ADAMTS18: variants seen among roughly 807,000 people sequenced by gnomAD.
The protein encoded by ADAMTS18 is ADAM metallopeptidase with thrombospondin type 1 motif 18.
A neutral mutation model predicts 165.9 loss-of-function variants in ADAMTS18; 157 were observed. The ratio of observed to expected loss-of-function variants is 0.95; its 90% confidence interval spans 0.83 to 1.08. The LOEUF (loss-of-function observed/expected upper bound fraction) is 1.08. Ranked by LOEUF, ADAMTS18 falls within the 50% of genes least tolerant of loss-of-function variation. The pLI is 0.00. For synonymous variants in ADAMTS18, 782 were observed against 578.2 expected (o/e 1.35, Z -5.06); for missense variants, 2,040 against 1,534.0 (o/e 1.33, Z -5.51).
chr16:77,407,973 A>G (rs1007800830), intron 3 of ADAMTS18, among the ~76,000 whole-genome samples: 4 of 152,152 alleles, frequency 2.6e-5, no homozygotes, highest in Non-Finnish European at 5.9e-5. Context: ...AAGGATAAAA[A>G]GGCATACCAG....
At chr16:77,343,838 T>A (rs1454008398) in intron 10 of ADAMTS18, among the ~76,000 whole-genome samples, 2 of 152,190 alleles carry the variant, frequency 1.3e-5, no homozygotes, top group Non-Finnish European at 2.9e-5. Context: ...TGACCCCATT[T>A]TGGTGGGCAC....
intron 3 of ADAMTS18, among the ~76,000 whole-genome samples, chr16:77,378,351 A>C (rs765619153): frequency 0.01 from 103 of 9,852 alleles, no homozygotes; most frequent in South Asian, 0.068. Flanking sequence ...AAAAAAAAAC[A>C]AAAAAAAAAA....
chr16:77,296,242 G>C (rs2055469198), intron 18 of ADAMTS18, among the ~76,000 whole-genome samples: 1 of 152,072 alleles, frequency 6.6e-6, no homozygotes, highest in African/African-American at 2.4e-5. Context: ...CTTAAAATTA[G>C]TCTTCAAACA....
chr16:77,334,832 A>G (rs1273147230), intron 12 of ADAMTS18, among the ~76,000 whole-genome samples: 2 of 125,730 alleles, frequency 1.6e-5, no homozygotes, highest in East Asian at 2.3e-4. Context: ...ACTATATACT[A>G]TAGTATACAG....
chr16:77,355,883 G>A, intron 9 of ADAMTS18, 57 bp downstream of exon 9: 2 of 1,607,968 alleles, frequency 1.2e-6, no homozygotes, highest in Non-Finnish European at 1.7e-6. Context: ...GGTCTATGGA[G>A]CACAATTCTG....
In ADAMTS18 at chr16:77,363,840, C is replaced by G; in HGVS notation, c.1018G>C (p.Val340Leu). ...KDGTIGSDINVVVVSLILLEQ... is the reference protein window; with the variant it reads ...KDGTIGSDINLVVVSLILLEQ... ...AGAAGAATTAGGCTCACCACAACCA[C>G]GTTTATGTCACTTCCAATAGTCCCA... Residue 340 changes from valine (V) to leucine (L), a missense_variant, in exon 6 of 23, where the codon GTG (valine) becomes CTG (leucine). Physicochemically the swap from Val to Leu is conservative, Grantham distance 32 (BLOSUM62 1). Transcript: ENST00000282849. 1.9e-6 allele frequency: 3 copies of G among 1,614,012 alleles called. No individual in the cohort carries two copies. The highest frequency in any genetic ancestry group is 2.5e-6 in the Non-Finnish European group (3 of 1,179,972).
intron 3 of ADAMTS18, among the ~76,000 whole-genome samples, chr16:77,414,703 A>T (rs1229525212): frequency 6.6e-6 from 1 of 152,208 alleles, no homozygotes; most frequent in Non-Finnish European, 1.5e-5. Flanking sequence ...AAAAATAAAG[A>T]TCTACTGCAT....
chr16:77,326,293 G>C (rs188458290), intron 12 of ADAMTS18, among the ~76,000 whole-genome samples: 65 of 152,188 alleles, frequency 4.3e-4, no homozygotes, highest in South Asian at 2.3e-3. Context: ...ATTAAAATTG[G>C]CATGCTAAAT....
chr16:77,421,942 C>T (rs959892519), intron 3 of ADAMTS18, among the ~76,000 whole-genome samples: 4 of 151,806 alleles, frequency 2.6e-5, no homozygotes, highest in Non-Finnish European at 4.4e-5. Context: ...GCAAAAAAAC[C>T]TCCAAAATAT....
chr16:77,284,568 A>AG (rs1241728427), intron 22 of ADAMTS18, among the ~76,000 whole-genome samples: 4 of 152,022 alleles, frequency 2.6e-5, no homozygotes, highest in South Asian at 2.1e-4. Context: ...GGACTTTGGT[A>AG]GGGGGGTGAG....
chr16:77,400,485 GTT>G (rs71137813), intron 3 of ADAMTS18, among the ~76,000 whole-genome samples: 12 of 114,696 alleles, frequency 1.0e-4, no homozygotes, highest in Non-Finnish European at 1.5e-4. Flanking sequence ...TGTGTGTTTT[GTT>G]TTTTTTTTTT....
intron 12 of ADAMTS18, among the ~76,000 whole-genome samples, chr16:77,335,210 A>G (rs1022168379): frequency 2.6e-5 from 4 of 151,038 alleles, no homozygotes; most frequent in Non-Finnish European, 5.9e-5. Context: ...AGGACATCAT[A>G]TTAAGTGAAA....
At position 77,358,179 on chromosome 16, in the gene ADAMTS18, A is replaced by ATG. The variant is rs137864349; in HGVS notation, c.1322+1137_1322+1138dup. ...TAGGAAAGTGTGCATGTGTGTCTAA[A>ATG]TGTGTGTGTGTGTGTATAATAATGT... On this transcript the variant is annotated intron_variant, in intron 8 of 22. Transcript: ENST00000282849. Among the ~76,000 whole-genome samples the ATG allele has an allele frequency of 2.2e-3, 327 of 151,864 alleles. 7 individuals carry two copies. The South Asian group carries it at 0.036, about 17-fold the overall frequency.
At chr16:77,284,472 C>G (rs997900013) in intron 22 of ADAMTS18, among the ~76,000 whole-genome samples, 2 of 152,022 alleles carry the variant, frequency 1.3e-5, no homozygotes, top group African/African-American at 4.8e-5. Flanking sequence ...AACATAGCAC[C>G]TTTTTCTTAA....
chr16:77,355,003 A>G (rs1403298381), intron 9 of ADAMTS18, among the ~76,000 whole-genome samples: 2 of 152,202 alleles, frequency 1.3e-5, no homozygotes, highest in African/African-American at 2.4e-5. Flanking sequence ...ATGTGGTTAG[A>G]TATCTTCACG....
intron 6 of ADAMTS18, among the ~76,000 whole-genome samples, chr16:77,362,514 T>TA (rs1194332766): frequency 6.6e-6 from 1 of 152,222 alleles, no homozygotes. Context: ...TAGCATCAGT[T>TA]AGAACACCTT....
At chr16:77,377,127 A>G (rs1567525139) in intron 3 of ADAMTS18, among the ~76,000 whole-genome samples, 1 of 152,204 alleles carries the variant, frequency 6.6e-6, no homozygotes, top group Non-Finnish European at 1.5e-5. Context: ...AAGGGCCAAA[A>G]TAATTCTTAA....
intron 18 of ADAMTS18, among the ~76,000 whole-genome samples, chr16:77,296,466 C>T (rs774121274): frequency 5.9e-5 from 9 of 152,090 alleles, no homozygotes; most frequent in South Asian, 2.1e-4. Context: ...CACAACCGCA[C>T]GCAAATTGAA....
At chr16:77,400,707 G>A (rs1020116069) in intron 3 of ADAMTS18, among the ~76,000 whole-genome samples, 7 of 151,548 alleles carry the variant, frequency 4.6e-5, no homozygotes, top group Non-Finnish European at 8.8e-5. Context: ...CTGACCTCGT[G>A]ATCCGCCTGC....
Sources: gnomAD v4.1 joint callset for allele counts (sites outside exome capture counted in the v4.1 genomes callset) on GRCh38, gnomAD v4.1.1 for gene constraint, MANE v1.5 for transcripts, NCBI Gene and HGNC (gene_info 2026-07-23, HGNC 2026-07-21) for gene names.